The following RGS7 variants were observed in gnomAD, a reference collection of about 807,000 sequenced individuals.
RGS7 encodes the protein regulator of G-protein signaling 7.
In RGS7, 27 loss-of-function variants were observed where a neutral mutation model predicts 81.1. The observed-to-expected ratio is 0.33, with a 90% CI of 0.25 to 0.46. The LOEUF (loss-of-function observed/expected upper bound fraction) is 0.46. Among genes scored for constraint, RGS7 ranks in the 20% least tolerant of loss-of-function variants. The pLI is 1.00. For missense variants in RGS7, 396 were observed against 607.4 expected, an observed-to-expected ratio of 0.65 and a Z score of 3.66; for synonymous variants, 208 against 207.7, an observed-to-expected ratio of 1.00 and a Z score of -0.01.
intron 18 of RGS7, among the ~76,000 whole-genome samples, chr1:240,791,430 T>C (rs968922313): frequency 6.6e-6 from 1 of 152,242 alleles, no homozygotes; most frequent in Non-Finnish European, 1.5e-5. Flanking sequence ...AATATATCCA[T>C]GCTTATAGAT....
At chr1:240,802,780 G>A in intron 16 of RGS7, 124 bp downstream of exon 16, 1 of 750,016 alleles carries the variant, frequency 1.3e-6, no homozygotes, top group South Asian at 1.4e-5. Flanking sequence ...AAGGTTTGGG[G>A]GAGGGTCTTG....
intron 2 of RGS7, among the ~76,000 whole-genome samples, chr1:241,145,048 G>A (rs1297281083): frequency 6.7e-6 from 1 of 149,394 alleles, no homozygotes; most frequent in African/African-American, 2.5e-5. Flanking sequence ...ATGGAGTCTC[G>A]CACTGTCGCC....
At chr1:241,334,485 G>A (rs2082137604) in intron 2 of RGS7, among the ~76,000 whole-genome samples, 1 of 152,100 alleles carries the variant, frequency 6.6e-6, no homozygotes, top group South Asian at 2.1e-4. Context: ...CAGGGCCTCT[G>A]AGCCAGTCCA....
chr1:241,063,680 T>A (rs1396089360), intron 3 of RGS7, among the ~76,000 whole-genome samples: 1 of 152,204 alleles, frequency 6.6e-6, no homozygotes, highest in African/African-American at 2.4e-5. Context: ...CTTACAATTA[T>A]AATATTCACC....
rs1169899552 is a variant in RGS7, at chr1:241,221,057, AAG to A, written c.79-122297_79-122296del. On this transcript the variant is annotated intron_variant, in intron 2 of 18. Coordinates refer to ENST00000440928, the MANE Select transcript of RGS7 (RefSeq NM_001364886.1). Reference sequence around the variant, plus strand: ...AGGAAGGAAAAGAAAGAAAGAAAGAAAGAGAGAGAGAGAGAAAGGAAGGAAGG... The same window carrying A: ...AGGAAGGAAAAGAAAGAAAGAAAGAAAGAGAGAGAGAGAAAGGAAGGAAGG... Among the ~76,000 whole-genome samples the A allele has an allele frequency of 1.9e-3, 239 of 125,720 alleles. 3 individuals are homozygous for A. Among genetic ancestry groups the A allele is most frequent in the Middle Eastern group, 0.012 (3 of 258 alleles). 82.5% of individuals were successfully genotyped at this position (125,720 alleles called of 152,430 possible). A position where few individuals can be genotyped will look rare whatever the true frequency, so the allele number is the denominator to read the frequency against.
chr1:241,029,402 T>C (rs750681119), intron 3 of RGS7, among the ~76,000 whole-genome samples: 4 of 152,228 alleles, frequency 2.6e-5, no homozygotes, highest in Non-Finnish European at 5.9e-5. Context: ...AAAGAAAATC[T>C]GACGTGGGGT....
chr1:240,796,039 A>T (rs1687011733), intron 18 of RGS7, among the ~76,000 whole-genome samples: 1 of 152,158 alleles, frequency 6.6e-6, no homozygotes, highest in Non-Finnish European at 1.5e-5. Context: ...TTCCCGCCTC[A>T]GCCCCACAAA....
chr1:240,812,113 C>T (rs1265853379), intron 13 of RGS7, 70 bp from the exon 14 acceptor site: 2 of 1,564,566 alleles, frequency 1.3e-6, no homozygotes, highest in Non-Finnish European at 1.8e-6. Context: ...TATTACATTC[C>T]CCTTCAAAAT....
intron 18 of RGS7, among the ~76,000 whole-genome samples, chr1:240,780,379 T>C (rs1683777847): frequency 7.1e-6 from 1 of 140,568 alleles, no homozygotes; most frequent in Non-Finnish European, 1.5e-5. Context: ...AGGCGGAGGT[T>C]GCAGTGAGCC....
intron 3 of RGS7, among the ~76,000 whole-genome samples, chr1:241,048,834 G>C (rs1295922291): frequency 6.6e-6 from 1 of 152,182 alleles, no homozygotes; most frequent in African/African-American, 2.4e-5. Flanking sequence ...TCATGGTTCT[G>C]GAAGCTACAG....
rs1682856409 is a variant in RGS7, at chr1:240,775,863, G to C, written c.*357C>G. On this transcript the variant is annotated 3_prime_UTR_variant, in exon 19 of 19. Coordinates refer to ENST00000440928, the MANE Select transcript of RGS7 (RefSeq NM_001364886.1). The stretch of plus-strand genomic sequence containing the variant: ...GAACTGTGTGTCTAACTGAAGCTTT[G>C]AGAGAGAGAGAGAGAGAAAGAAGGA... The C allele has an allele frequency of 4.5e-6, 1 of 221,034 alleles. No homozygotes were observed. The highest frequency in any genetic ancestry group is 5.5e-5 in the Admixed American group (1 of 18,126). 13.7% of individuals were successfully genotyped at this position (221,034 alleles called of 1,614,324 possible). A position where few individuals can be genotyped will look rare whatever the true frequency, so the allele number is the denominator to read the frequency against.
chr1:240,813,877 A>G (rs1404874077), intron 12 of RGS7, 149 bp from the exon 13 acceptor site: 2 of 661,928 alleles, frequency 3.0e-6, no homozygotes, highest in African/African-American at 3.6e-5. Flanking sequence ...ACGCTTCAGT[A>G]ACTTTCATGC....
At chr1:241,090,949 C>T (rs1267217843) in intron 3 of RGS7, among the ~76,000 whole-genome samples, 1 of 152,132 alleles carries the variant, frequency 6.6e-6, no homozygotes, top group East Asian at 1.9e-4. Context: ...CATAATGAAA[C>T]AACACAGGAC....
intron 9 of RGS7, among the ~76,000 whole-genome samples, chr1:240,842,324 G>A (rs1023958352): frequency 9.3e-5 from 14 of 149,778 alleles, no homozygotes; most frequent in African/African-American, 3.4e-4. Flanking sequence ...TCAGCCTCCC[G>A]AGTAGCTGGG....
At chr1:241,284,867 T>C (rs1179606610) in intron 2 of RGS7, among the ~76,000 whole-genome samples, 2 of 152,054 alleles carry the variant, frequency 1.3e-5, no homozygotes, top group African/African-American at 4.8e-5. Flanking sequence ...TTGTTTTTTT[T>C]TGTTTGTTTG....
chr1:240,914,882 T>C (rs1364866242), intron 6 of RGS7, among the ~76,000 whole-genome samples: 1 of 152,148 alleles, frequency 6.6e-6, no homozygotes, highest in Non-Finnish European at 1.5e-5. Flanking sequence ...AATCATGACC[T>C]AGAGTAACAG....
chr1:240,814,617 C>A, intron 12 of RGS7, 99 bp downstream of exon 12: 1 of 771,198 alleles, frequency 1.3e-6, no homozygotes, highest in Admixed American at 1.9e-5. Flanking sequence ...TTCCAATTAT[C>A]TGTCCCAACT....
At chr1:241,221,120 G>A (rs1415173381) in intron 2 of RGS7, among the ~76,000 whole-genome samples, 4 of 136,636 alleles carry the variant, frequency 2.9e-5, no homozygotes, top group East Asian at 2.2e-4. Flanking sequence ...AGGAAGGGAG[G>A]GAAAGAAAGA....
intron 4 of RGS7, among the ~76,000 whole-genome samples, chr1:240,980,886 A>G (rs1293058198): frequency 6.6e-6 from 1 of 152,208 alleles, no homozygotes; most frequent in Non-Finnish European, 1.5e-5. Context: ...CTTCCTGGAT[A>G]CATTTGACTT....
Sources: allele counts gnomAD v4.1 joint callset (sites outside exome capture counted in the v4.1 genomes callset), GRCh38; gene constraint gnomAD v4.1.1; transcripts MANE v1.5; gene names NCBI Gene and HGNC (gene_info 2026-07-23, HGNC 2026-07-21).